The following MED6 variants were observed in gnomAD, a reference collection of about 807,000 sequenced individuals.
MED6 encodes the protein mediator of RNA polymerase II transcription subunit 6.
MED6 carries 33 observed loss-of-function variants against 37.5 expected under a neutral mutation model. The observed-to-expected ratio is 0.88, with a 90% CI of 0.67 to 1.18. The LOEUF (loss-of-function observed/expected upper bound fraction) is 1.18. Ranked by LOEUF, MED6 falls within the 50% of genes most tolerant of loss-of-function variation. The pLI, the probability that MED6 is intolerant of heterozygous loss-of-function variation, is 0.00. For missense variants in MED6, 235 were observed against 290.6 expected (o/e 0.81, Z 1.39); for synonymous variants, 94 against 93.6 (o/e 1.00, Z -0.02).
intron 3 of MED6, chr14:70,595,127 G>A (rs7157685): frequency 0.22 from 109,250 of 504,032 alleles, 15,522 homozygotes; most frequent in East Asian, 0.53. Context: ...AATGACACCA[G>A]TGTCACTCGG....
chr14:70,598,995 G>A (rs1885125212), intron 1 of MED6, among the ~76,000 whole-genome samples: 2 of 152,350 alleles, frequency 1.3e-5, no homozygotes, highest in Non-Finnish European at 2.9e-5. Flanking sequence ...AGACATGATA[G>A]AGCTAGATAC....
Position 70,584,069 on chromosome 14 carries a change from T to C in MED6, c.*744A>G, listed in dbSNP as rs1884624902. On this transcript the variant is annotated 3_prime_UTR_variant, in exon 8 of 8. Coordinates refer to ENST00000256379, the MANE Select transcript of MED6 (RefSeq NM_005466.4). The stretch of plus-strand genomic sequence containing the variant: ...GTAATGGTATTGGTGAGTGAGGTTT[T>C]TCCTTTTCTTCATCTTCCAAAATGT... 1.6e-6 allele frequency: 1 copy of C among 624,556 alleles called. No homozygotes were observed. Among genetic ancestry groups the C allele is most frequent in the Non-Finnish European group, 2.9e-6 (1 of 350,444 alleles). The allele number at this position is 624,556 out of a possible 1,614,324, so 38.7% of individuals were successfully genotyped here. A position where few individuals can be genotyped will look rare whatever the true frequency, so the allele number is the denominator to read the frequency against.
At chr14:70,599,647 C>T (rs1885146510) in intron 1 of MED6, among the ~76,000 whole-genome samples, 1 of 152,182 alleles carries the variant, frequency 6.6e-6, no homozygotes, top group South Asian at 2.1e-4. Context: ...TCCTTTAACA[C>T]ACCAAACACA....
Position 70,584,621 on chromosome 14 carries a change from C to T in MED6, c.*192G>A. The T allele has an allele frequency of 1.7e-6, 1 of 582,530 alleles. No homozygotes were observed. The highest frequency in any genetic ancestry group is 2.8e-6 in the Non-Finnish European group (1 of 360,468). The allele number at this position is 582,530 out of a possible 1,614,324, so 36.1% of individuals were successfully genotyped here. Reference sequence around the variant, plus strand: ...GAACTTCTGACCTCAAGTGATCCACCCGCCATGGCCTCCCAAAGTGCTGGG... The same window carrying T: ...GAACTTCTGACCTCAAGTGATCCACTCGCCATGGCCTCCCAAAGTGCTGGG... On this transcript the variant is annotated 3_prime_UTR_variant, in exon 8 of 8. Transcript: ENST00000256379.
intron 7 of MED6, 127 bp downstream of exon 7, chr14:70,585,629 A>C (rs187301135): frequency 4.5e-6 from 3 of 671,192 alleles, no homozygotes; most frequent in African/African-American, 3.8e-5. Flanking sequence ...TCTTCTTCCA[A>C]TGAGACCCAG....
intron 5 of MED6, 23 bp downstream of exon 5, chr14:70,592,857 G>T: frequency 6.2e-7 from 1 of 1,611,234 alleles, no homozygotes; most frequent in South Asian, 1.1e-5. Context: ...AGTGTTTTAG[G>T]AGGGTATGGA....
chr14:70,592,333 T>C (rs959113828), intron 5 of MED6, among the ~76,000 whole-genome samples: 5 of 152,122 alleles, frequency 3.3e-5, no homozygotes, highest in African/African-American at 1.2e-4. Context: ...CATCTGGGGA[T>C]AGGGCTCTAA....
intron 1 of MED6, 59 bp from the exon 2 acceptor site, chr14:70,597,836 C>G: frequency 7.1e-7 from 1 of 1,405,818 alleles, no homozygotes; most frequent in Non-Finnish European, 9.5e-7. Context: ...TCCAATCCAA[C>G]AAACATTTAT....
rs1182513145 is a variant in MED6 at position 70,592,872 on chromosome 14, C to CCA, written c.466+7_466+8insTG. On this transcript the variant is annotated splice_region_variant and intron_variant, in intron 5 of 7. Coordinates refer to ENST00000256379, the MANE Select transcript of MED6 (RefSeq NM_005466.4). Reference sequence around the variant, plus strand: ...AGTGTTTTAGGAGGGTATGGATGTTCTACTTACCTTGCTCTTCATGATCTT... The same window carrying CCA: ...AGTGTTTTAGGAGGGTATGGATGTTCCATACTTACCTTGCTCTTCATGATCTT... 4 of 1,613,250 alleles carry CCA rather than the reference C, an allele frequency of 2.5e-6. No individual in the cohort carries two copies. In the African/African-American group the frequency reaches 5.3e-5, roughly 22 times the overall value.
intron 6 of MED6, 35 bp downstream of exon 6, chr14:70,591,231 G>A (rs760510153): frequency 8.8e-6 from 13 of 1,475,806 alleles, no homozygotes; most frequent in African/African-American, 1.4e-5. Flanking sequence ...ATAAAGAAGT[G>A]TCAAATCAAG....
chr14:70,592,844 A>G (rs757571223), intron 5 of MED6, 36 bp downstream of exon 5: 1 of 1,605,718 alleles, frequency 6.2e-7, no homozygotes, highest in Non-Finnish European at 8.5e-7. Context: ...CAGAGGATCA[A>G]AAAGTGTTTT....
intron 6 of MED6, among the ~76,000 whole-genome samples, chr14:70,586,861 C>G (rs1884723074): frequency 6.6e-6 from 1 of 152,212 alleles, no homozygotes; most frequent in Non-Finnish European, 1.5e-5. Flanking sequence ...CACAGAAGGC[C>G]TGAGGCTGCT....
At position 70,586,234 on chromosome 14, in the gene MED6, T is replaced by C. The variant is rs571022792; in HGVS notation, c.583-451A>G. ...CCATGACTTTTAAAGTTGGTAGGCA[T>C]GGGAAATTTGGAGGGAAAAGAGATT... On this transcript the variant is annotated intron_variant, in intron 6 of 7. Coordinates refer to ENST00000256379, the MANE Select transcript of MED6 (RefSeq NM_005466.4). Among the ~76,000 whole-genome samples, 7 of 152,328 alleles carry C rather than the reference T, an allele frequency of 4.6e-5. No individual in the cohort carries two copies. The South Asian group carries it at 1.5e-3, about 32-fold the overall frequency.
chr14:70,591,389 A>T lies in MED6; in HGVS notation c.467-8T>A. 1 of 1,590,238 alleles carries T rather than the reference A, an allele frequency of 6.3e-7. No homozygotes were observed. The highest frequency in any genetic ancestry group is 1.2e-5 in the South Asian group (1 of 86,808). ...CTTTAGGTCTGACTTTATCTATTAA[A>T]ATACGAAGTCCAAATCAAAACATTG... On this transcript the variant is annotated splice_polypyrimidine_tract_variant and splice_region_variant and intron_variant, in intron 5 of 7. Coordinates refer to ENST00000256379, the MANE Select transcript of MED6 (RefSeq NM_005466.4).
rs1318569677 is a variant in MED6, at chr14:70,597,620, C to G, written c.180G>C (p.Leu60Phe). 1 of 1,458,272 alleles carries G rather than the reference C, an allele frequency of 6.9e-7. No homozygotes were observed. The highest frequency in any genetic ancestry group is 9.1e-7 in the Non-Finnish European group (1 of 1,104,238). The allele number at this position is 1,458,272 out of a possible 1,614,324, so 90.3% of individuals were successfully genotyped here. The change falls in exon 2 of 8, where the codon TTG (leucine) becomes TTC (phenylalanine). Residue 60 changes from leucine to phenylalanine, a missense_variant and splice_region_variant. Coordinates refer to ENST00000256379, the MANE Select transcript of MED6 (RefSeq NM_005466.4). ...GCCACCTTCTTAAAATAACTTACTT[C>G]AAGTGTTCTAATGTTAGCCTCTGCA... ...VKMQRLTLEH[L>F]NQMVGIEYIL...
Position 70,597,605 on chromosome 14 carries a change from T to G in MED6, c.182+13A>C, listed in dbSNP as rs1208500662. 2 of 1,440,546 alleles carry G rather than the reference T, an allele frequency of 1.4e-6. No homozygotes were observed. Among genetic ancestry groups the G allele is most frequent in the Non-Finnish European group, 1.8e-6 (2 of 1,094,670 alleles). 89.2% of individuals were successfully genotyped at this position (1,440,546 alleles called of 1,614,324 possible). On this transcript the variant is annotated intron_variant, in intron 2 of 7. Transcript: ENST00000256379. ...GTATTTGGAAAAAGTGCCACCTTCT[T>G]AAAATAACTTACTTCAAGTGTTCTA...
Position 70,584,714 on chromosome 14 carries a change from A to G in MED6, c.*99T>C, listed in dbSNP as rs1884651227. On this transcript the variant is annotated 3_prime_UTR_variant, in exon 8 of 8. Coordinates refer to ENST00000256379, the MANE Select transcript of MED6 (RefSeq NM_005466.4). ...AAAAATAAGCGCATTCCATACAAAT[A>G]AGAAGGTTACAATAAAGTACTTCAA... The G allele has an allele frequency of 1.4e-6, 2 of 1,415,764 alleles. No homozygotes were observed. The highest frequency in any genetic ancestry group is 2.3e-5 in the East Asian group (1 of 42,630). The allele number at this position is 1,415,764 out of a possible 1,614,324, so 87.7% of individuals were successfully genotyped here. A position where few individuals can be genotyped will look rare whatever the true frequency, so the allele number is the denominator to read the frequency against.
At chr14:70,585,088 T>C (rs2139585693) in intron 7 of MED6, 145 bp from the exon 8 acceptor site, 1 of 964,952 alleles carries the variant, frequency 1.0e-6, no homozygotes. Flanking sequence ...CAGGCAGATG[T>C]ATACAAGAAC....
At chr14:70,594,136 T>C (rs931482868) in intron 3 of MED6, among the ~76,000 whole-genome samples, 1 of 152,224 alleles carries the variant, frequency 6.6e-6, no homozygotes, top group African/African-American at 2.4e-5. Flanking sequence ...CATAAATGTC[T>C]TAATGAGGGT....
Sources: allele counts gnomAD v4.1 joint callset (sites outside exome capture counted in the v4.1 genomes callset), GRCh38; gene constraint gnomAD v4.1.1; transcripts MANE v1.5; gene names NCBI Gene and HGNC (gene_info 2026-07-23, HGNC 2026-07-21).